The following ITPKB variants were observed in gnomAD, a reference collection of about 807,000 sequenced individuals.
The protein encoded by ITPKB is IP3 3-kinase B.
Under a neutral mutation model 69.4 loss-of-function variants are expected in ITPKB, and 13 were observed. That is an observed-to-expected ratio of 0.19 (90% confidence interval 0.12 to 0.30). The LOEUF is 0.30. Ranked by LOEUF, ITPKB falls within the 10% of genes least tolerant of loss-of-function variation. The probability of loss-of-function intolerance (pLI) is 1.00; values close to 1 mark genes in which losing one functional copy is unlikely to be tolerated. For missense variants in ITPKB, 1,240 were observed against 1,250.5 expected, an observed-to-expected ratio of 0.99 and a Z score of 0.13; for synonymous variants, 584 against 513.7, an observed-to-expected ratio of 1.14 and a Z score of -1.85.
chr1:226,661,243 G>A (rs972204379), intron 2 of ITPKB, among the ~76,000 whole-genome samples: 1 of 152,108 alleles, frequency 6.6e-6, no homozygotes, highest in East Asian at 1.9e-4. Flanking sequence ...GGGCAGGAGC[G>A]CAGCCCATAG....
chr1:226,711,900 G>C (rs1373201728), intron 2 of ITPKB, among the ~76,000 whole-genome samples: 2 of 152,202 alleles, frequency 1.3e-5, no homozygotes, highest in Non-Finnish European at 2.9e-5. Flanking sequence ...CTAGTGGGAA[G>C]CTCACTAGGG....
At chr1:226,651,314 G>A (rs1048860979) in intron 2 of ITPKB, among the ~76,000 whole-genome samples, 2 of 152,172 alleles carry the variant, frequency 1.3e-5, no homozygotes, top group Non-Finnish European at 2.9e-5. Context: ...ACCTGGGCCC[G>A]AGTCCCGGCT....
intron 2 of ITPKB, chr1:226,707,095 C>T (rs778706499): frequency 9.8e-6 from 8 of 819,648 alleles, no homozygotes; most frequent in Non-Finnish European, 1.2e-5. Context: ...TCCAGGCCAG[C>T]GCAATTAAGA....
intron 2 of ITPKB, among the ~76,000 whole-genome samples, chr1:226,651,290 G>A (rs1282012487): frequency 1.3e-5 from 2 of 152,214 alleles, no homozygotes; most frequent in Admixed American, 6.5e-5. Context: ...AGCGTGGGGC[G>A]TTGAGGCAGG....
At chr1:226,691,231 C>A (rs1571860448) in intron 2 of ITPKB, among the ~76,000 whole-genome samples, 3 of 150,760 alleles carry the variant, frequency 2.0e-5, no homozygotes, top group East Asian at 1.9e-4. Flanking sequence ...TACACTTTGC[C>A]ACATTTAAAA....
chr1:226,728,478 G>A (rs1379939372), intron 2 of ITPKB, among the ~76,000 whole-genome samples: 2 of 152,202 alleles, frequency 1.3e-5, no homozygotes, highest in South Asian at 2.1e-4. Flanking sequence ...ATCAGACAAA[G>A]TTGGAAGACC....
In ITPKB at chr1:226,637,795, A is replaced by C. The variant is rs1402916484; in HGVS notation, c.2554-45T>G. 2.0e-6 allele frequency: 3 copies of C among 1,470,436 alleles called. No homozygotes were observed. The East Asian group carries it at 6.8e-5, about 33-fold the overall frequency. The allele number at this position is 1,470,436 out of a possible 1,614,324, so 91.1% of individuals were successfully genotyped here. On this transcript the variant is annotated intron_variant, in intron 6 of 7. Coordinates refer to ENST00000429204, the MANE Select transcript of ITPKB (RefSeq NM_002221.4). This position sits in a 1 kb window ranked among gnomAD's most constrained non-coding sequence, Gnocchi z 4.3. ...CAGATTTTTAAGCGCCGCGTGGGGAAGGGCAGTGTCAGAACACCCATGCGG... is the reference window on the plus strand; with the variant it reads ...CAGATTTTTAAGCGCCGCGTGGGGACGGGCAGTGTCAGAACACCCATGCGG...
rs376998878 is a variant in ITPKB, at chr1:226,680,206, C to T, written c.1933-31435G>A. On this transcript the variant is annotated intron_variant, in intron 2 of 7. Transcript: ENST00000429204. Reference sequence around the variant, plus strand: ...CGCAGCGCCCGCGACCACGTGAGCACGGACCCACCTCCCCAGCCTTTCCAT... The same window carrying T: ...CGCAGCGCCCGCGACCACGTGAGCATGGACCCACCTCCCCAGCCTTTCCAT... 8.5e-5 allele frequency among the ~76,000 whole-genome samples: 13 copies of T among 152,272 alleles called. No homozygotes were observed. The East Asian group carries it at 2.1e-3, about 25-fold the overall frequency.
chr1:226,698,015 G>A (rs1205817643), intron 2 of ITPKB, among the ~76,000 whole-genome samples: 1 of 152,244 alleles, frequency 6.6e-6, no homozygotes, highest in Non-Finnish European at 1.5e-5. Flanking sequence ...CCCCGGGGCA[G>A]AACAGCACTG....
rs139599928 is a variant in ITPKB at position 226,678,197 on chromosome 1, T to C, written c.1933-29426A>G. On this transcript the variant is annotated intron_variant, in intron 2 of 7. Coordinates refer to ENST00000429204, the MANE Select transcript of ITPKB (RefSeq NM_002221.4). ...ACGCTAACAAAGACTATTTTTCTAA[T>C]GTTATTCATGTGAAGAATTTTACAA... Among the ~76,000 whole-genome samples the C allele has an allele frequency of 1.7e-3, 255 of 152,368 alleles. 2 individuals carry two copies. Among genetic ancestry groups the C allele is most frequent in the African/African-American group, 6.0e-3 (248 of 41,588 alleles).
chr1:226,646,407 C>T (rs978976301), intron 4 of ITPKB, among the ~76,000 whole-genome samples: 4 of 152,192 alleles, frequency 2.6e-5, no homozygotes, highest in Non-Finnish European at 5.9e-5. Flanking sequence ...CCCGAGATCA[C>T]AGCAGCCGGC....
chr1:226,729,355 G>A (rs1199018962), intron 2 of ITPKB, among the ~76,000 whole-genome samples: 5 of 151,462 alleles, frequency 3.3e-5, no homozygotes, highest in Non-Finnish European at 4.4e-5. Context: ...GGTGGCATGC[G>A]CCTGTAGTCC....
chr1:226,634,899 T>C lies in ITPKB; in HGVS notation c.2626-13A>G, dbSNP rs971248953. On this transcript the variant is annotated splice_polypyrimidine_tract_variant and intron_variant, in intron 7 of 7. Coordinates refer to ENST00000429204, the MANE Select transcript of ITPKB (RefSeq NM_002221.4). This position sits in a 1 kb window ranked among gnomAD's most constrained non-coding sequence, Gnocchi z 6.3. ...AGCTGCCAATGACCTGAGGAGAACA[T>C]GGGGGTGAAGGGTGAGCTGAAGCCC... 1.9e-6 allele frequency: 3 copies of C among 1,604,668 alleles called. No individual in the cohort carries two copies. Among genetic ancestry groups the C allele is most frequent in the African/African-American group, 2.7e-5 (2 of 74,738 alleles).
chr1:226,681,626 CA>C (rs772530914), intron 2 of ITPKB, among the ~76,000 whole-genome samples: 2 of 152,148 alleles, frequency 1.3e-5, no homozygotes, highest in Non-Finnish European at 2.9e-5. Flanking sequence ...TAAATATAAA[CA>C]TTTTCTTTTA....
At chr1:226,680,846 G>C (rs1338799889) in intron 2 of ITPKB, among the ~76,000 whole-genome samples, 1 of 152,126 alleles carries the variant, frequency 6.6e-6, no homozygotes, top group Non-Finnish European at 1.5e-5. Flanking sequence ...TGGGACAAAC[G>C]GGAAAATGTT....
intron 2 of ITPKB, among the ~76,000 whole-genome samples, chr1:226,708,233 G>A (rs1266375386): frequency 2.6e-5 from 4 of 152,256 alleles, no homozygotes; most frequent in Non-Finnish European, 5.9e-5. Context: ...ATTTAGTCGT[G>A]GTTATCATTA....
intron 2 of ITPKB, among the ~76,000 whole-genome samples, chr1:226,688,448 CT>C (rs1041422777): frequency 1.3e-5 from 2 of 152,160 alleles, no homozygotes; most frequent in African/African-American, 4.8e-5. Flanking sequence ...GTCACCCCCA[CT>C]CTGTATCTTT....
Position 226,634,923 on chromosome 1 carries a change from C to T in ITPKB, c.2626-37G>A. On this transcript the variant is annotated intron_variant, in intron 7 of 7. Transcript: ENST00000429204. This position sits in a 1 kb window ranked among gnomAD's most constrained non-coding sequence, Gnocchi z 6.3. The stretch of plus-strand genomic sequence containing the variant: ...ATGGGGGTGAAGGGTGAGCTGAAGC[C>T]CGGGCCTCGCCCTCCCCACTGCGGC... 4 of 1,541,478 alleles carry T rather than the reference C, an allele frequency of 2.6e-6. No homozygotes were observed. In the African/African-American group the frequency reaches 4.1e-5, roughly 16 times the overall value.
chr1:226,658,970 G>T (rs1011398060), intron 2 of ITPKB, among the ~76,000 whole-genome samples: 5 of 152,178 alleles, frequency 3.3e-5, no homozygotes, highest in Admixed American at 1.3e-4. Flanking sequence ...ACCCAATCAG[G>T]CTGCGAGGGC....
Sources: gnomAD v4.1 joint callset for allele counts (sites outside exome capture counted in the v4.1 genomes callset) on GRCh38, gnomAD v4.1.1 for gene constraint, Gnocchi (gnomAD v3.1) non-coding constraint, MANE v1.5 for transcripts, NCBI Gene and HGNC (gene_info 2026-07-23, HGNC 2026-07-21) for gene names.